The following TEX14 variants were observed in gnomAD, a reference collection of about 807,000 sequenced individuals.
TEX14 encodes the protein inactive serine/threonine-protein kinase TEX14.
In TEX14, 168 loss-of-function variants were observed where a neutral mutation model predicts 178.6. The observed-to-expected ratio is 0.94, with a 90% confidence interval of 0.83 to 1.07. TEX14 has a LOEUF of 1.07. Among genes scored for constraint, TEX14 ranks in the 50% least tolerant of loss-of-function variants. The pLI, the probability that TEX14 is intolerant of heterozygous loss-of-function variation, is 0.00. For missense variants in TEX14, 1,730 were observed against 1,753.6 expected (o/e 0.99, Z 0.24); for synonymous variants, 626 against 634.1 (o/e 0.99, Z 0.19).
chr17:58,639,163 C>CAAGA (rs1192810609), intron 2 of TEX14, among the ~76,000 whole-genome samples: 1 of 151,838 alleles, frequency 6.6e-6, no homozygotes, highest in Non-Finnish European at 1.5e-5. Flanking sequence ...CCGCGCCCAG[C>CAAGA]AAGACTATTA....
At chr17:58,636,435 A>G (rs1795009638) in intron 2 of TEX14, among the ~76,000 whole-genome samples, 1 of 152,190 alleles carries the variant, frequency 6.6e-6, no homozygotes, top group Admixed American at 6.5e-5. Flanking sequence ...CTAGGAGGTA[A>G]TATCTGATAT....
chr17:58,606,109 C>T (rs1014713244), intron 10 of TEX14, among the ~76,000 whole-genome samples: 3 of 152,168 alleles, frequency 2.0e-5, no homozygotes, highest in Non-Finnish European at 4.4e-5. Flanking sequence ...GTTTAGCACT[C>T]AAGGGTTCAC....
chr17:58,646,168 A>G (rs998177581), intron 2 of TEX14, among the ~76,000 whole-genome samples: 9 of 152,380 alleles, frequency 5.9e-5, no homozygotes, highest in African/African-American at 2.2e-4. Context: ...AACAATGTAA[A>G]GAGGTATAGC....
rs771295181 is a variant in TEX14 at position 58,599,204 on chromosome 17, C to T, written c.2141G>A (p.Ser714Asn). ...AGTCGTGGACATGTTGTTCAAATTG[C>T]TCTTGGCTTCTCTGGTTGACTCAGG... Reference protein sequence around the residue: ...SLPESTREAKSNLNNMSTTEE... With the variant: ...SLPESTREAKNNLNNMSTTEE... The change falls in exon 14 of 32, where the codon AGC becomes AAC. Residue 714 changes from serine (S) to asparagine (N), a missense_variant. By Grantham distance (46) the Ser-to-Asn change is conservative. Around this residue, in one of 2 missense-constraint regions of TEX14, gnomAD observed 941 missense variants for 1,072.4 expected, o/e 0.88. Coordinates refer to ENST00000349033, the MANE Select transcript of TEX14 (RefSeq NM_031272.5). 1 of 1,614,086 alleles carries T rather than the reference C, an allele frequency of 6.2e-7. No homozygotes were observed. Among genetic ancestry groups the T allele is most frequent in the South Asian group, 1.1e-5 (1 of 91,074 alleles).
chr17:58,643,672 C>A (rs1567754781), intron 2 of TEX14, among the ~76,000 whole-genome samples: 1 of 151,558 alleles, frequency 6.6e-6, no homozygotes, highest in East Asian at 1.9e-4. Flanking sequence ...GAGTTTGAGA[C>A]CAGCCTGGCC....
At chr17:58,677,624 G>A (rs1598435842) in intron 1 of TEX14, 2 of 152,242 alleles carry the variant, frequency 1.3e-5, no homozygotes, top group Admixed American at 6.5e-5. Flanking sequence ...ATGCAGTTGA[G>A]TATCCCACAT....
intron 1 of TEX14, among the ~76,000 whole-genome samples, chr17:58,665,971 C>T (rs1378080971): frequency 6.6e-6 from 1 of 151,724 alleles, no homozygotes; most frequent in African/African-American, 2.4e-5. Context: ...ATCGCTTCAA[C>T]CTAGGAGGCG....
chr17:58,679,566 T>C (rs552280458), intron 1 of TEX14: 5 of 152,332 alleles, frequency 3.3e-5, no homozygotes, highest in South Asian at 2.1e-4. Context: ...CCACAAATTA[T>C]GCAATTAAGT....
chr17:58,668,780 C>T (rs553247776), intron 1 of TEX14, among the ~76,000 whole-genome samples: 1 of 152,230 alleles, frequency 6.6e-6, no homozygotes, highest in African/African-American at 2.4e-5. Flanking sequence ...CCTAGGTGAA[C>T]TGCTATGCGA....
At chr17:58,689,714 A>G (rs1435553906) in intron 1 of TEX14, among the ~76,000 whole-genome samples, 2 of 152,128 alleles carry the variant, frequency 1.3e-5, no homozygotes, top group African/African-American at 4.8e-5. Context: ...TTTATCCCAT[A>G]GCTTTGTTTA....
At position 58,565,787 on chromosome 17, in the gene TEX14, C is replaced by T; in HGVS notation, c.3924G>A (p.Leu1308=). ...CTCCATCACTTGCTGTGTTCTCATG[C>T]AACACCGTGGATGAGCCCTGCTGCT... is the stretch of plus-strand genomic sequence containing the variant. ...LKQQQGSSTV[L]HENTASDGGG... is the part of the protein sequence containing the mutation. The change falls in exon 27 of 32, where the codon TTG becomes TTA. Residue 1308 remains leucine (L), a synonymous_variant. Coordinates refer to ENST00000349033, the MANE Select transcript of TEX14 (RefSeq NM_031272.5). 1.2e-6 allele frequency: 2 copies of T among 1,610,146 alleles called. No homozygotes were observed. The highest frequency in any genetic ancestry group is 1.7e-6 in the Non-Finnish European group (2 of 1,178,398).
intron 10 of TEX14, among the ~76,000 whole-genome samples, chr17:58,605,418 T>C (rs960939176): frequency 2.6e-5 from 4 of 152,220 alleles, no homozygotes; most frequent in African/African-American, 4.8e-5. Context: ...CGTGGGTCTT[T>C]TAATCAACAT....
chr17:58,572,105 C>T lies in TEX14; in HGVS notation c.3533G>A (p.Ser1178Asn), dbSNP rs767052427. The T allele has an allele frequency of 6.8e-6, 11 of 1,608,010 alleles. No homozygotes were observed. Among genetic ancestry groups the T allele is most frequent in the Non-Finnish European group, 9.4e-6 (11 of 1,174,930 alleles). The change falls in exon 24 of 32, where the codon AGT (serine) becomes AAT (asparagine). Residue 1178 changes from serine to asparagine, a missense_variant. Physicochemically the swap from Ser to Asn is conservative, Grantham distance 46. Coordinates refer to ENST00000349033, the MANE Select transcript of TEX14 (RefSeq NM_031272.5). ...ACTTTCAAGGCAGTCTTTATACTGA[C>T]TGGCAGCTGAAGAAACGGACCCTGT... is the stretch of plus-strand genomic sequence containing the variant. ...LSPGSVSSAA[S>N]QYKDCLESIT...
intron 1 of TEX14, among the ~76,000 whole-genome samples, chr17:58,683,774 A>AG (rs1190519930): frequency 3.2e-5 from 4 of 126,748 alleles, no homozygotes; most frequent in Admixed American, 8.0e-5. Flanking sequence ...AAAAAAAAAA[A>AG]AGAGAGACTT....
intron 10 of TEX14, among the ~76,000 whole-genome samples, chr17:58,606,671 T>C (rs2045613988): frequency 6.6e-6 from 1 of 151,496 alleles, no homozygotes; most frequent in Non-Finnish European, 1.5e-5. Flanking sequence ...GAGGCAGAGG[T>C]TGCAGTGCGC....
At chr17:58,660,820 G>C in intron 1 of TEX14, 1 of 782,816 alleles carries the variant, frequency 1.3e-6, no homozygotes, top group Non-Finnish European at 2.4e-6. Context: ...GACTTGGATA[G>C]CCAGCGCCAA....
chr17:58,621,110 C>T (rs2045987554), intron 5 of TEX14, among the ~76,000 whole-genome samples: 1 of 152,168 alleles, frequency 6.6e-6, no homozygotes, highest in African/African-American at 2.4e-5. Flanking sequence ...TGACACTCCT[C>T]CCTTCCAAGC....
intron 20 of TEX14, among the ~76,000 whole-genome samples, chr17:58,578,955 G>T (rs1207113138): frequency 6.6e-6 from 1 of 152,148 alleles, no homozygotes; most frequent in African/African-American, 2.4e-5. Context: ...CAGGTTGGTA[G>T]GTGGATAACT....
chr17:58,646,811 C>A (rs1211867414), intron 2 of TEX14, among the ~76,000 whole-genome samples: 1 of 152,126 alleles, frequency 6.6e-6, no homozygotes, highest in Non-Finnish European at 1.5e-5. Context: ...AGATTATGGT[C>A]CCAAAGGGCA....
Sources: gnomAD v4.1 joint callset for allele counts (sites outside exome capture counted in the v4.1 genomes callset) on GRCh38, gnomAD v4.1.1 for gene constraint, gnomAD v4.1.1 regional missense constraint, MANE v1.5 for transcripts, NCBI Gene and HGNC (gene_info 2026-07-23, HGNC 2026-07-21) for gene names.